Variants in RBFOX1 observed in about 807,000 individuals in gnomAD.
RBFOX1 encodes the protein RNA binding protein fox-1 homolog 1.
Under a neutral mutation model 57.7 loss-of-function variants are expected in RBFOX1, and 8 were observed. The observed-to-expected ratio is 0.14, with a 90% CI of 0.08 to 0.25. The LOEUF is 0.25. Ranked by LOEUF, RBFOX1 falls within the 10% of genes least tolerant of loss-of-function variation. The pLI is 1.00. For synonymous variants in RBFOX1, 326 were observed against 222.4 expected (o/e 1.47, Z -4.15); for missense variants, 611 against 548.5 (o/e 1.11, Z -1.14).
chr16:7,122,685 G>A (rs1027903438), intron 4 of RBFOX1, among the ~76,000 whole-genome samples: 3 of 152,028 alleles, frequency 2.0e-5, no homozygotes, highest in African/African-American at 7.2e-5. Context: ...TTAAGTATAT[G>A]CTTATCATAG....
chr16:5,474,209 C>G lies in RBFOX1; in HGVS notation c.258+6955C>G, dbSNP rs556156050. ...TTCAACTACAGCATTAGCCAAGGTG[C>G]TCGTGAACTTCTAAGCATTAGGAAC... is the stretch of plus-strand genomic sequence containing the variant. On this transcript the variant is annotated intron_variant, in intron 2 of 2. Coordinates refer to the RBFOX1 transcript ENST00000585867. Among the ~76,000 whole-genome samples, 8 of 152,282 alleles carry G rather than the reference C, an allele frequency of 5.3e-5. No individual in the cohort carries two copies. The East Asian group carries it at 1.5e-3, about 29-fold the overall frequency.
chr16:7,329,816 C>T (rs1192738591), intron 4 of RBFOX1, among the ~76,000 whole-genome samples: 2 of 152,134 alleles, frequency 1.3e-5, no homozygotes, highest in African/African-American at 2.4e-5. Flanking sequence ...AAGAAGAAAA[C>T]AGAAAATATC....
chr16:5,309,574 A>G (rs543513880), intron 1 of RBFOX1, among the ~76,000 whole-genome samples: 1 of 152,296 alleles, frequency 6.6e-6, no homozygotes, highest in South Asian at 2.1e-4. Flanking sequence ...TATATTGCAT[A>G]GCGGTGAAGT....
intron 5 of RBFOX1, among the ~76,000 whole-genome samples, chr16:7,571,336 G>C (rs1210898947): frequency 2.0e-5 from 3 of 152,094 alleles, no homozygotes; most frequent in African/African-American, 4.8e-5. Flanking sequence ...GAGGGGGACA[G>C]AATCCAAAAG....
intron 2 of RBFOX1, among the ~76,000 whole-genome samples, chr16:6,541,887 C>G (rs1320016007): frequency 1.3e-5 from 2 of 152,038 alleles, no homozygotes; most frequent in African/African-American, 2.4e-5. Flanking sequence ...GAGTTTACAT[C>G]AGGCTCTGTG....
chr16:7,448,859 T>A (rs186572624), intron 4 of RBFOX1, among the ~76,000 whole-genome samples: 1 of 151,576 alleles, frequency 6.6e-6, no homozygotes, highest in Non-Finnish European at 1.5e-5. Context: ...AATCTCATCT[T>A]AACTAAATAC....
chr16:7,580,926 A>G (rs2093710997), intron 6 of RBFOX1, among the ~76,000 whole-genome samples: 1 of 152,200 alleles, frequency 6.6e-6, no homozygotes, highest in Non-Finnish European at 1.5e-5. Flanking sequence ...TTCCTCTAAG[A>G]GTTAATAAAT....
chr16:6,236,219 C>G (rs868782817), intron 1 of RBFOX1, among the ~76,000 whole-genome samples: 5 of 152,166 alleles, frequency 3.3e-5, no homozygotes, highest in African/African-American at 4.8e-5. Flanking sequence ...AGAGCAAGCT[C>G]TGGAGTCAGC....
intron 3 of RBFOX1, among the ~76,000 whole-genome samples, chr16:5,623,406 G>T (rs1370215922): frequency 6.6e-6 from 1 of 152,170 alleles, no homozygotes; most frequent in Non-Finnish European, 1.5e-5. Context: ...AACAGAGAAA[G>T]TCTCTACTCT....
At chr16:6,270,192 T>TA (rs59113414) in intron 1 of RBFOX1, among the ~76,000 whole-genome samples, 2,262 of 148,982 alleles carry the variant, frequency 0.015, 44 homozygotes, top group East Asian at 0.046. Flanking sequence ...AAAGAACAAA[T>TA]AAAAAAAAAA....
At chr16:7,269,043 CAAAAAAAAAAAAA>C (rs56297510) in intron 4 of RBFOX1, among the ~76,000 whole-genome samples, 3 of 52,262 alleles carry the variant, frequency 5.7e-5, no homozygotes, top group African/African-American at 1.2e-4. Context: ...TCTTCCATCT[CAAAAAAAAAAAAA>C]AAAAAAAAAA....
intron 4 of RBFOX1, among the ~76,000 whole-genome samples, chr16:7,227,285 A>ACACCCCCCCCCC (rs2093190300): frequency 1.4e-5 from 1 of 73,242 alleles, no homozygotes; most frequent in Non-Finnish European, 3.4e-5. Context: ...CACACACCCC[A>ACACCCCCCCCCC]CCCCACCCCC....
intron 3 of RBFOX1, among the ~76,000 whole-genome samples, chr16:6,849,866 G>C (rs2093973377): frequency 6.6e-6 from 1 of 151,934 alleles, no homozygotes; most frequent in South Asian, 2.1e-4. Flanking sequence ...TTCCTACCCT[G>C]CCACTTAACT....
chr16:5,403,196 C>A (rs1486016519), intron 1 of RBFOX1, among the ~76,000 whole-genome samples: 1 of 151,832 alleles, frequency 6.6e-6, no homozygotes, highest in Admixed American at 6.6e-5. Context: ...ACTAAAAACA[C>A]AAAATTAGCT....
chr16:6,085,066 A>C (rs1345658723), intron 1 of RBFOX1, among the ~76,000 whole-genome samples: 3 of 152,048 alleles, frequency 2.0e-5, no homozygotes, highest in African/African-American at 7.2e-5. Context: ...CACTCATCCA[A>C]AGCTGTCTCA....
chr16:6,704,938 C>T (rs1204660720), intron 3 of RBFOX1: 4 of 152,156 alleles, frequency 2.6e-5, no homozygotes, highest in Non-Finnish European at 4.4e-5. Context: ...ACGGATCGCA[C>T]TTATCCAAGT....
At chr16:6,883,227 C>T (rs1027518256) in intron 3 of RBFOX1, among the ~76,000 whole-genome samples, 1 of 152,162 alleles carries the variant, frequency 6.6e-6, no homozygotes, top group Admixed American at 6.5e-5. Context: ...TTAGAAATCT[C>T]GCTTTGCTAC....
chr16:5,286,638 C>A (rs1460238182), intron 1 of RBFOX1, among the ~76,000 whole-genome samples: 1 of 152,170 alleles, frequency 6.6e-6, no homozygotes, highest in African/African-American at 2.4e-5. Flanking sequence ...TGTTTTGAGC[C>A]AGTCACTCGT....
At chr16:5,844,156 T>C (rs887446030) in intron 3 of RBFOX1, among the ~76,000 whole-genome samples, 1 of 152,212 alleles carries the variant, frequency 6.6e-6, no homozygotes, top group Non-Finnish European at 1.5e-5. Context: ...CCAGGGACTT[T>C]GCCCATCACC....
Sources: allele counts gnomAD v4.1 joint callset (sites outside exome capture counted in the v4.1 genomes callset), GRCh38; gene constraint gnomAD v4.1.1; transcripts MANE v1.5; gene names NCBI Gene and HGNC (gene_info 2026-07-23, HGNC 2026-07-21).